Variants in FNIP1 observed in about 807,000 individuals in gnomAD.
FNIP1 encodes folliculin interacting protein 1.
In FNIP1, 40 loss-of-function variants were observed where a neutral mutation model predicts 124.5. That is an observed-to-expected ratio of 0.32 (90% CI 0.25 to 0.42). The LOEUF (loss-of-function observed/expected upper bound fraction) is 0.42. Among genes scored for constraint, FNIP1 ranks in the 10% least tolerant of loss-of-function variants. The probability of loss-of-function intolerance (pLI) is 1.00; values close to 1 mark genes in which losing one functional copy is unlikely to be tolerated. For synonymous variants in FNIP1, 472 were observed against 470.6 expected (o/e 1.00, Z -0.04); for missense variants, 1,176 against 1,403.7 (o/e 0.84, Z 2.59).
intron 1 of FNIP1, among the ~76,000 whole-genome samples, chr5:131,745,676 C>G (rs1770654271): frequency 6.6e-6 from 1 of 151,900 alleles, no homozygotes; most frequent in African/African-American, 2.4e-5. Context: ...TGAAGTTGAT[C>G]CCAGCAATTC....
At chr5:131,668,769 A>C (rs1400014129) in intron 15 of FNIP1, among the ~76,000 whole-genome samples, 1 of 152,144 alleles carries the variant, frequency 6.6e-6, no homozygotes, top group Admixed American at 6.5e-5. Context: ...CAATAACTCA[A>C]CTCTGCTGTT....
intron 15 of FNIP1, among the ~76,000 whole-genome samples, chr5:131,657,025 T>TC (rs1767213801): frequency 6.9e-6 from 1 of 144,798 alleles, no homozygotes. Context: ...ATGCCTTTTT[T>TC]TTTTTTTTTT....
chr5:131,747,313 A>C (rs1342843970), intron 1 of FNIP1, among the ~76,000 whole-genome samples: 1 of 152,186 alleles, frequency 6.6e-6, no homozygotes, highest in Non-Finnish European at 1.5e-5. Flanking sequence ...GGCAACATAA[A>C]ACATCTTCAT....
At chr5:131,789,842 G>C (rs1396874634) in intron 1 of FNIP1, among the ~76,000 whole-genome samples, 6 of 149,882 alleles carry the variant, frequency 4.0e-5, no homozygotes, top group African/African-American at 1.5e-4. Flanking sequence ...TCAGGGCGAA[G>C]CCCTCCGTCC....
intron 11 of FNIP1, among the ~76,000 whole-genome samples, chr5:131,681,902 A>G (rs1768099061): frequency 6.6e-6 from 1 of 152,152 alleles, no homozygotes; most frequent in African/African-American, 2.4e-5. Flanking sequence ...GTATAAACCC[A>G]TATATCATGG....
chr5:131,681,977 T>A (rs1235629620), intron 11 of FNIP1, among the ~76,000 whole-genome samples: 2 of 152,160 alleles, frequency 1.3e-5, no homozygotes. Context: ...TACTTTTTAA[T>A]AATATGGAAG....
intron 1 of FNIP1, among the ~76,000 whole-genome samples, chr5:131,754,196 T>C (rs1308795026): frequency 2.6e-5 from 4 of 152,224 alleles, no homozygotes; most frequent in African/African-American, 9.6e-5. Flanking sequence ...CTTTATGTAT[T>C]CATTCACTGA....
At chr5:131,679,309 A>G (rs541433965) in intron 11 of FNIP1, 134 bp from the exon 12 acceptor site, 1 of 623,482 alleles carries the variant, frequency 1.6e-6, no homozygotes, top group African/African-American at 1.9e-5. Flanking sequence ...ACAATGGACC[A>G]AGTCCTTCTT....
chr5:131,676,305 A>G (rs26009), intron 13 of FNIP1, among the ~76,000 whole-genome samples: 119,168 of 151,932 alleles, frequency 0.78, 46,955 homozygotes, highest in African/African-American at 0.83. Context: ...GAGCCACTGC[A>G]CCCAGCCATT....
rs1254478035 is a variant in FNIP1, at chr5:131,744,651, C to T, written c.132G>A (p.Leu44=). Residue 44 remains leucine, a synonymous_variant, in exon 2 of 18, where the codon CTG becomes CTA. Coordinates refer to ENST00000510461, the MANE Select transcript of FNIP1 (RefSeq NM_133372.3). ...LPEFDPSQIR[L]IVYQDCERRG... Reference sequence around the variant, plus strand: ...GTCTTTCACAGTCTTGATATACAATCAGTCGAATCTGGCTTGGATCAAACT... The same window carrying T: ...GTCTTTCACAGTCTTGATATACAATTAGTCGAATCTGGCTTGGATCAAACT... 6 of 1,611,314 alleles carry T rather than the reference C, an allele frequency of 3.7e-6. No homozygotes were observed. The highest frequency in any genetic ancestry group is 1.7e-5 in the Admixed American group (1 of 59,638).
intron 10 of FNIP1, among the ~76,000 whole-genome samples, chr5:131,703,743 C>A (rs1416981199): frequency 6.6e-6 from 1 of 152,216 alleles, no homozygotes; most frequent in Non-Finnish European, 1.5e-5. Context: ...GGACTTATTA[C>A]ATACATCTAT....
chr5:131,741,772 C>T (rs760750171), intron 2 of FNIP1, among the ~76,000 whole-genome samples: 13 of 152,152 alleles, frequency 8.5e-5, no homozygotes, highest in Admixed American at 5.2e-4. Context: ...TATTTTTTAA[C>T]GCTGAAATAG....
intron 1 of FNIP1, among the ~76,000 whole-genome samples, chr5:131,776,031 CA>C (rs1253802042): frequency 6.6e-6 from 1 of 152,112 alleles, no homozygotes; most frequent in Non-Finnish European, 1.5e-5. Context: ...CAGCACAATG[CA>C]AAATAATGTA....
intron 3 of FNIP1, among the ~76,000 whole-genome samples, chr5:131,727,403 T>G (rs1423978666): frequency 1.3e-5 from 2 of 152,108 alleles, no homozygotes; most frequent in Non-Finnish European, 2.9e-5. Flanking sequence ...TTGCATTGAT[T>G]CCTTTACCAT....
At chr5:131,713,324 G>A (rs1214901216) in intron 6 of FNIP1, among the ~76,000 whole-genome samples, 1 of 152,208 alleles carries the variant, frequency 6.6e-6, no homozygotes, top group Non-Finnish European at 1.5e-5. Flanking sequence ...GGGATTACAG[G>A]CGTGAGCCAC....
rs1767717833 is a variant in FNIP1 at position 131,670,482 on chromosome 5, T to A, written c.3089A>T (p.Asp1030Val). The change falls in exon 15 of 18, where the codon GAT (aspartate) becomes GTT (valine). Residue 1030 changes from aspartate (D) to valine (V), a missense_variant. By Grantham distance (152) the Asp-to-Val change is radical. Coordinates refer to ENST00000510461, the MANE Select transcript of FNIP1 (RefSeq NM_133372.3). ...DERFRQCLMSDLSHAVQHPVL... is the reference protein window; with the variant it reads ...DERFRQCLMSVLSHAVQHPVL... ...ACTCACCTGCACAGCATGAGATAAA[T>A]CTGACATCAGACACTGACGGAACCT... 2 of 1,610,546 alleles carry A rather than the reference T, an allele frequency of 1.2e-6. No individual in the cohort carries two copies. Among genetic ancestry groups the A allele is most frequent in the Non-Finnish European group, 1.7e-6 (2 of 1,178,940 alleles).
At chr5:131,788,556 T>C (rs1772293431) in intron 1 of FNIP1, among the ~76,000 whole-genome samples, 2 of 151,702 alleles carry the variant, frequency 1.3e-5, no homozygotes, top group Admixed American at 6.6e-5. Context: ...ACAAAAATTT[T>C]TGGGCGTGGT....
chr5:131,793,897 G>C (rs1033218882), intron 1 of FNIP1, among the ~76,000 whole-genome samples: 1 of 152,064 alleles, frequency 6.6e-6, no homozygotes, highest in African/African-American at 2.4e-5. Context: ...TGGTATACTA[G>C]AATGAAAACA....
chr5:131,673,813 A>G (rs1767836084), intron 13 of FNIP1, among the ~76,000 whole-genome samples: 1 of 151,914 alleles, frequency 6.6e-6, no homozygotes, highest in African/African-American at 2.4e-5. Context: ...AGATGGGTGG[A>G]TCACTTGAGA....
Sources: gnomAD v4.1 joint callset for allele counts (sites outside exome capture counted in the v4.1 genomes callset) on GRCh38, gnomAD v4.1.1 for gene constraint, MANE v1.5 for transcripts, NCBI Gene and HGNC (gene_info 2026-07-23, HGNC 2026-07-21) for gene names.